Variants in CCNY observed in about 807,000 individuals in gnomAD.
CCNY encodes the protein cyclin Y, also known as cyclin-Y.
A neutral mutation model predicts 42.8 loss-of-function variants in CCNY; 19 were observed. The ratio of observed to expected loss-of-function variants is 0.44; its 90% confidence interval spans 0.31 to 0.65. The LOEUF (loss-of-function observed/expected upper bound fraction) is 0.65. CCNY is among the 30% of genes least tolerant of loss of function. CCNY has a pLI of 0.07. For synonymous variants in CCNY, 165 were observed against 162.7 expected (o/e 1.01, Z -0.11); for missense variants, 370 against 437.3 (o/e 0.85, Z 1.37).
chr10:35,408,386 GAA>G (rs1386423119), intron 1 of CCNY, among the ~76,000 whole-genome samples: 2 of 152,202 alleles, frequency 1.3e-5, no homozygotes, highest in Admixed American at 6.5e-5. Context: ...GGCTGAGTCA[GAA>G]AAGAGAGTCA....
intron 2 of CCNY, among the ~76,000 whole-genome samples, chr10:35,498,370 C>T (rs963906964): frequency 6.6e-6 from 1 of 152,168 alleles, no homozygotes; most frequent in African/African-American, 2.4e-5. Context: ...TGGGAAGGAA[C>T]CCTCCTAAAT....
At chr10:35,495,224 CTTCT>C (rs1427050201) in intron 2 of CCNY, among the ~76,000 whole-genome samples, 1 of 152,124 alleles carries the variant, frequency 6.6e-6, no homozygotes, top group Non-Finnish European at 1.5e-5. Flanking sequence ...GTTGCATTTT[CTTCT>C]TTATATGGCT....
chr10:35,328,610 A>T (rs1835905651), intron 3 of CCNY, among the ~76,000 whole-genome samples: 1 of 152,226 alleles, frequency 6.6e-6, no homozygotes, highest in African/African-American at 2.4e-5. Flanking sequence ...GAAACACTGC[A>T]GGCAGAACCA....
intron 3 of CCNY, among the ~76,000 whole-genome samples, chr10:35,254,375 A>G (rs1262947036): frequency 2.0e-5 from 3 of 152,100 alleles, no homozygotes; most frequent in African/African-American, 4.8e-5. Flanking sequence ...TAGTGAAAAA[A>G]ATTATGCTGT....
At chr10:35,353,876 GTC>G (rs1273098509) in intron 1 of CCNY, among the ~76,000 whole-genome samples, 1 of 152,188 alleles carries the variant, frequency 6.6e-6, no homozygotes, top group Non-Finnish European at 1.5e-5. Flanking sequence ...AACATTTGTT[GTC>G]TCTCAGTTTT....
At chr10:35,284,553 G>A (rs755090995) in intron 3 of CCNY, among the ~76,000 whole-genome samples, 81 of 151,936 alleles carry the variant, frequency 5.3e-4, no homozygotes, top group Admixed American at 1.6e-3. Flanking sequence ...TAATTTTATT[G>A]CTGTTTCAAA....
At chr10:35,273,275 C>T (rs945722233) in intron 3 of CCNY, among the ~76,000 whole-genome samples, 3 of 151,978 alleles carry the variant, frequency 2.0e-5, no homozygotes, top group African/African-American at 7.3e-5. Context: ...AACCCTGACT[C>T]ACTGCAGCCT....
At chr10:35,304,332 C>A (rs1300880298) in intron 3 of CCNY, among the ~76,000 whole-genome samples, 3 of 105,052 alleles carry the variant, frequency 2.9e-5, no homozygotes, top group East Asian at 2.8e-4. Context: ...TTTTTTGAGA[C>A]GGAGTCTCGC....
At chr10:35,567,225 A>G (rs970433331) in intron 9 of CCNY, among the ~76,000 whole-genome samples, 1 of 152,178 alleles carries the variant, frequency 6.6e-6, no homozygotes, top group Non-Finnish European at 1.5e-5. Context: ...TACCTTTTCC[A>G]TAGCCCAGTT....
At chr10:35,387,518 C>G (rs539011035) in intron 1 of CCNY, among the ~76,000 whole-genome samples, 2 of 152,148 alleles carry the variant, frequency 1.3e-5, no homozygotes, top group South Asian at 4.2e-4. Context: ...GTCGATTGAT[C>G]AGATAAACAA....
At chr10:35,459,295 C>A (rs1359767077) in intron 1 of CCNY, among the ~76,000 whole-genome samples, 1 of 151,596 alleles carries the variant, frequency 6.6e-6, no homozygotes, top group East Asian at 1.9e-4. Context: ...GTAGATAGAC[C>A]AAGCTTGTCC....
rs138741731 is a variant in CCNY, at chr10:35,482,394, T to C, written c.155-1010T>C. Reference sequence around the variant, plus strand: ...TTCCAGTAATTTTGATCTCTTTCCTTCCCTAACTTAATTCTTCTGTTTTGC... The same window carrying C: ...TTCCAGTAATTTTGATCTCTTTCCTCCCCTAACTTAATTCTTCTGTTTTGC... On this transcript the variant is annotated intron_variant, in intron 1 of 9. Coordinates refer to ENST00000374704, the MANE Select transcript of CCNY (RefSeq NM_145012.6). Among the ~76,000 whole-genome samples the C allele has an allele frequency of 5.2e-4, 79 of 152,370 alleles. No homozygotes were observed. In the East Asian group the frequency reaches 0.015, roughly 29 times the overall value.
rs533071514 is a variant in CCNY at position 35,530,711 on chromosome 10, G to A, written c.579+468G>A. On this transcript the variant is annotated intron_variant, in intron 7 of 9. Coordinates refer to ENST00000374704, the MANE Select transcript of CCNY (RefSeq NM_145012.6). The surrounding 1 kb of genome is among the most constrained non-coding windows in gnomAD (Gnocchi z 4.3). ...TCTGTTTTGTGACTTTTGAGTAAAT[G>A]TGTCTGCAGGATATTCAGAGACAGT... 1.0e-3 allele frequency among the ~76,000 whole-genome samples: 155 copies of A among 152,282 alleles called. No individual in the cohort carries two copies. Among genetic ancestry groups the A allele is most frequent in the Non-Finnish European group, 1.8e-3 (122 of 68,016 alleles).
chr10:35,554,904 G>GT (rs1841332042), intron 8 of CCNY, among the ~76,000 whole-genome samples: 1 of 152,198 alleles, frequency 6.6e-6, no homozygotes. Flanking sequence ...TAGAGGTGTG[G>GT]AGGAGATGCC....
intron 1 of CCNY, among the ~76,000 whole-genome samples, chr10:35,467,421 G>C (rs964433540): frequency 6.6e-6 from 1 of 152,202 alleles, no homozygotes; most frequent in Non-Finnish European, 1.5e-5. Flanking sequence ...CACTTGACAT[G>C]TGACAACTCC....
chr10:35,271,279 C>T (rs1172622630), intron 3 of CCNY, among the ~76,000 whole-genome samples: 1 of 152,132 alleles, frequency 6.6e-6, no homozygotes. Context: ...CAGGAATCAG[C>T]TCCAGGACAG....
At chr10:35,369,603 A>C (rs920040515) in intron 1 of CCNY, among the ~76,000 whole-genome samples, 2 of 152,168 alleles carry the variant, frequency 1.3e-5, no homozygotes, top group South Asian at 2.1e-4. Context: ...TCCCTATTTA[A>C]GTTTATCTTG....
At chr10:35,370,446 C>G (rs1195933192) in intron 1 of CCNY, among the ~76,000 whole-genome samples, 1 of 151,914 alleles carries the variant, frequency 6.6e-6, no homozygotes, top group Admixed American at 6.5e-5. Flanking sequence ...CCACCGCGCC[C>G]GGCCGTTCCT....
intron 1 of CCNY, among the ~76,000 whole-genome samples, chr10:35,407,978 G>A (rs1046307561): frequency 2.4e-4 from 36 of 152,174 alleles, no homozygotes; most frequent in Non-Finnish European, 3.4e-4. Context: ...CGTGACTGGC[G>A]CTGGAGTTTT....
Sources: allele counts gnomAD v4.1 joint callset (sites outside exome capture counted in the v4.1 genomes callset), GRCh38; gene constraint gnomAD v4.1.1; non-coding constraint Gnocchi (gnomAD v3.1); transcripts MANE v1.5; gene names NCBI Gene and HGNC (gene_info 2026-07-23, HGNC 2026-07-21).